Variants in CACNA1B observed in about 807,000 individuals in gnomAD.
CACNA1B encodes voltage-dependent N-type calcium channel subunit alpha-1B.
CACNA1B carries 70 observed loss-of-function variants against 247.2 expected under a neutral mutation model. The ratio of observed to expected loss-of-function variants is 0.28; its 90% CI spans 0.23 to 0.35. CACNA1B has a LOEUF of 0.35. Ranked by LOEUF, CACNA1B falls within the 10% of genes least tolerant of loss-of-function variation. The probability of loss-of-function intolerance (pLI) is 1.00; values close to 1 mark genes in which losing one functional copy is unlikely to be tolerated. For synonymous variants in CACNA1B, 1,231 were observed against 1,294.4 expected (o/e 0.95, Z 1.05); for missense variants, 2,367 against 3,197.4 (o/e 0.74, Z 6.26).
chr9:137,952,193 C>T lies in CACNA1B; in HGVS notation c.967-81C>T. 9.3e-7 allele frequency: 1 copy of T among 1,075,354 alleles called. No individual in the cohort carries two copies. The highest frequency in any genetic ancestry group is 1.4e-6 in the Non-Finnish European group (1 of 699,564). The allele number at this position is 1,075,354 out of a possible 1,614,324, so 66.6% of individuals were successfully genotyped here. On this transcript the variant is annotated intron_variant, in intron 6 of 46. Coordinates refer to ENST00000371372, the MANE Select transcript of CACNA1B (RefSeq NM_000718.4). The surrounding 1 kb of genome is among the most constrained non-coding windows in gnomAD (Gnocchi z 4.8). ...AGGTGTGTGCTTCTGAGAAGGAGGCCTGTTGGGGGCTGGGGGTGCTCCTGT... is the reference window on the plus strand; with the variant it reads ...AGGTGTGTGCTTCTGAGAAGGAGGCTTGTTGGGGGCTGGGGGTGCTCCTGT...
In CACNA1B at chr9:138,114,374, C is replaced by G; in HGVS notation, c.5537-4C>G. ...CGAATCTCAACTCCTGTGTTCTTTT[C>G]CAGCTGATGAGATGACAGTGGGGAA... On this transcript the variant is annotated splice_polypyrimidine_tract_variant and splice_region_variant and intron_variant, in intron 40 of 46. Transcript: ENST00000371372. The G allele has an allele frequency of 6.9e-7, 1 of 1,457,414 alleles. No homozygotes were observed. Among genetic ancestry groups the G allele is most frequent in the Non-Finnish European group, 9.5e-7 (1 of 1,047,520 alleles). The allele number at this position is 1,457,414 out of a possible 1,614,324, so 90.3% of individuals were successfully genotyped here.
intron 20 of CACNA1B, among the ~76,000 whole-genome samples, chr9:138,041,614 A>T (rs2133467803): frequency 6.6e-6 from 1 of 152,260 alleles, no homozygotes; most frequent in South Asian, 2.1e-4. Flanking sequence ...TGACTTTCAT[A>T]TGATTTTCCA....
At chr9:137,958,724 A>C (rs1051655358) in intron 10 of CACNA1B, among the ~76,000 whole-genome samples, 3 of 152,084 alleles carry the variant, frequency 2.0e-5, no homozygotes, top group Non-Finnish European at 4.4e-5. Context: ...TACTGTTCAG[A>C]GTTCTGTGCG....
chr9:137,956,522 G>A (rs1957950205), intron 8 of CACNA1B, among the ~76,000 whole-genome samples: 1 of 152,144 alleles, frequency 6.6e-6, no homozygotes, highest in Non-Finnish European at 1.5e-5. Context: ...GCCGGGCATG[G>A]TAGCACGTCC....
At position 137,984,147 on chromosome 9, in the gene CACNA1B, G is replaced by T; in HGVS notation, c.1666G>T (p.Gly556Trp). ...FNCFDFGVIVGSVFEVVWAAI... is the reference protein window; with the variant it reads ...FNCFDFGVIVWSVFEVVWAAI... ...TGCCATCCCGTTGCAGGTCATCGTG[G>T]GGAGCGTCTTTGAAGTGGTCTGGGC... The change falls in exon 13 of 47, where the codon GGG becomes TGG. Residue 556 changes from glycine (G) to tryptophan (W), a missense_variant. Coordinates refer to ENST00000371372, the MANE Select transcript of CACNA1B (RefSeq NM_000718.4). The T allele has an allele frequency of 6.3e-7, 1 of 1,596,662 alleles. No homozygotes were observed. Among genetic ancestry groups the T allele is most frequent in the East Asian group, 2.3e-5 (1 of 44,006 alleles).
chr9:137,929,286 GT>G (rs1957583983), intron 6 of CACNA1B, among the ~76,000 whole-genome samples: 1 of 152,340 alleles, frequency 6.6e-6, no homozygotes, highest in South Asian at 2.1e-4. Context: ...AGGAGTGGTG[GT>G]TTATGCCTAT....
chr9:138,102,877 T>G lies in CACNA1B; in HGVS notation c.5319+70T>G. 1 of 905,914 alleles carries G rather than the reference T, an allele frequency of 1.1e-6. No homozygotes were observed. Among genetic ancestry groups the G allele is most frequent in the Non-Finnish European group, 1.7e-6 (1 of 578,428 alleles). 56.1% of individuals were successfully genotyped at this position (905,914 alleles called of 1,614,324 possible). On this transcript the variant is annotated intron_variant, in intron 38 of 46. Coordinates refer to ENST00000371372, the MANE Select transcript of CACNA1B (RefSeq NM_000718.4). The surrounding 1 kb of genome is among the most constrained non-coding windows in gnomAD (Gnocchi z 5.4). ...CTTGCTGAGGGGTGCTTGCTGGCTCTCCCAGCTCCTCTCCCTTTCAGGGTG... is the reference window on the plus strand; with the variant it reads ...CTTGCTGAGGGGTGCTTGCTGGCTCGCCCAGCTCCTCTCCCTTTCAGGGTG...
chr9:138,107,223 TTTA>T (rs1564289485), intron 39 of CACNA1B, among the ~76,000 whole-genome samples: 64 of 86,450 alleles, frequency 7.4e-4, no homozygotes, highest in Middle Eastern at 7.1e-3. Flanking sequence ...TCTTATTTTA[TTTA>T]TTTATTTATT....
At chr9:137,958,139 C>T (rs1249752804) in intron 10 of CACNA1B, among the ~76,000 whole-genome samples, 1 of 151,190 alleles carries the variant, frequency 6.6e-6, no homozygotes, top group Non-Finnish European at 1.5e-5. Flanking sequence ...TGCTGTACAG[C>T]AGTCTGTGAG....
chr9:138,061,024 C>T (rs1959703223), intron 31 of CACNA1B, among the ~76,000 whole-genome samples: 1 of 152,218 alleles, frequency 6.6e-6, no homozygotes. Flanking sequence ...CAAGTCCCTA[C>T]TTGTTGCCGT....
Position 138,052,238 on chromosome 9 carries a change from G to C in CACNA1B, c.3807+50G>C, listed in dbSNP as rs202166580. The C allele has an allele frequency of 6.0e-5, 57 of 947,996 alleles. No homozygotes were observed. Among genetic ancestry groups the C allele is most frequent in the Non-Finnish European group, 9.1e-5 (55 of 604,776 alleles). The allele number at this position is 947,996 out of a possible 1,614,324, so 58.7% of individuals were successfully genotyped here. A position where few individuals can be genotyped will look rare whatever the true frequency, so the allele number is the denominator to read the frequency against. On this transcript the variant is annotated intron_variant, in intron 25 of 46. Coordinates refer to ENST00000371372, the MANE Select transcript of CACNA1B (RefSeq NM_000718.4). This position sits in a 1 kb window ranked among gnomAD's most constrained non-coding sequence, Gnocchi z 5.1. ...AGGGATGTGCTGTGTGTGTGTGCGT[G>C]TGTGTGTGTGCGTGTGTGTGTGTGT...
rs953444117 is a variant in CACNA1B, at chr9:138,073,050, C to CG, written c.4675-433dup. On this transcript the variant is annotated intron_variant, in intron 32 of 46. Coordinates refer to ENST00000371372, the MANE Select transcript of CACNA1B (RefSeq NM_000718.4). This position sits in a 1 kb window ranked among gnomAD's most constrained non-coding sequence, Gnocchi z 6.4. ...AAAGGGCATAGCCGTGAAGCCTGGG[C>CG]GGGGGTCCCTTCCGGGGTGCTGGGT... Among the ~76,000 whole-genome samples, 2 of 152,182 alleles carry CG rather than the reference C, an allele frequency of 1.3e-5. No individual in the cohort carries two copies. Among genetic ancestry groups the CG allele is most frequent in the African/African-American group, 2.4e-5 (1 of 41,436 alleles).
intron 6 of CACNA1B, among the ~76,000 whole-genome samples, chr9:137,932,081 C>T (rs1420187668): frequency 6.6e-6 from 1 of 152,176 alleles, no homozygotes; most frequent in African/African-American, 2.4e-5. Context: ...TTAGGAGATC[C>T]AGTCCCCTTC....
At position 137,988,216 on chromosome 9, in the gene CACNA1B, C is replaced by T. The variant is rs947548332; in HGVS notation, c.1974+1362C>T. Among the ~76,000 whole-genome samples, 11 of 152,306 alleles carry T rather than the reference C, an allele frequency of 7.2e-5. No homozygotes were observed. In the South Asian group the frequency reaches 8.3e-4, roughly 11 times the overall value. Reference sequence around the variant, plus strand: ...GGGAGGTCACAGGCCTGGAGCTGCCCGTAGGGTCCTGAATGTCAGGCAAGG... The same window carrying T: ...GGGAGGTCACAGGCCTGGAGCTGCCTGTAGGGTCCTGAATGTCAGGCAAGG... On this transcript the variant is annotated intron_variant, in intron 15 of 46. Coordinates refer to ENST00000371372, the MANE Select transcript of CACNA1B (RefSeq NM_000718.4).
At position 137,986,535 on chromosome 9, in the gene CACNA1B, T is replaced by G; in HGVS notation, c.1892T>G (p.Phe631Cys). 6.2e-7 allele frequency: 1 copy of G among 1,613,770 alleles called. No homozygotes were observed. Among genetic ancestry groups the G allele is most frequent in the African/African-American group, 1.3e-5 (1 of 75,008 alleles). ...VVFALLGMQL[F>C]GGQFNFQDET... is the part of the protein sequence containing the mutation. ...TTCGCCCTGCTGGGGATGCAGCTGT[T>G]TGGGGGACAGTAAGTGGGCCCGGGA... Residue 631 changes from phenylalanine (F) to cysteine (C), a missense_variant, in exon 14 of 47, where the codon TTT becomes TGT. Phe to Cys is a radical substitution (Grantham distance 205). Transcript: ENST00000371372. This position sits in a 1 kb window ranked among gnomAD's most constrained non-coding sequence, Gnocchi z 6.0.
At position 138,123,932 on chromosome 9, in the gene CACNA1B, G is replaced by C. The variant is rs1962184036; in HGVS notation, c.*1933G>C. 6.6e-6 allele frequency: 1 copy of C among 152,134 alleles called. No individual in the cohort carries two copies. 9.4% of individuals were successfully genotyped at this position (152,134 alleles called of 1,614,324 possible). The stretch of plus-strand genomic sequence containing the variant: ...TCTTGTTCCCCAGCCCCCAGCCCAT[G>C]TTATCTTGGGTGTCGAATGTGTCCA... On this transcript the variant is annotated 3_prime_UTR_variant, in exon 47 of 47. Transcript: ENST00000371372.
intron 20 of CACNA1B, among the ~76,000 whole-genome samples, chr9:138,032,415 A>T (rs778699365): frequency 6.6e-6 from 1 of 152,138 alleles, no homozygotes; most frequent in Non-Finnish European, 1.5e-5. Flanking sequence ...TAATTTAGAA[A>T]ACTCGAAAGG....
intron 37 of CACNA1B, among the ~76,000 whole-genome samples, chr9:138,097,923 G>A (rs894615918): frequency 6.6e-6 from 1 of 152,166 alleles, no homozygotes; most frequent in Non-Finnish European, 1.5e-5. Context: ...CCTCCCCGGA[G>A]CACCCCCACC....
rs1315649441 is a variant in CACNA1B, at chr9:138,023,238, G to A, written c.2495G>A (p.Gly832Asp). ...GRDGARGPVG[G>D]KARPEAAEAP... ...GACGGCGCGCGGGGGCCCGTGGGAG[G>A]CAAAGCCCGACCTGAGGCTGCGGAG... Residue 832 changes from glycine (G) to aspartate (D), a missense_variant, in exon 19 of 47, where the codon GGC (glycine) becomes GAC (aspartate). Gly to Asp is a moderately conservative substitution (Grantham distance 94). Coordinates refer to ENST00000371372, the MANE Select transcript of CACNA1B (RefSeq NM_000718.4). The A allele has an allele frequency of 1.3e-6, 2 of 1,513,150 alleles. No individual in the cohort carries two copies. The highest frequency in any genetic ancestry group is 1.8e-6 in the Non-Finnish European group (2 of 1,139,140). The allele number at this position is 1,513,150 out of a possible 1,614,324, so 93.7% of individuals were successfully genotyped here.
Sources: gnomAD v4.1 joint callset for allele counts (sites outside exome capture counted in the v4.1 genomes callset) on GRCh38, gnomAD v4.1.1 for gene constraint, Gnocchi (gnomAD v3.1) non-coding constraint, MANE v1.5 for transcripts, NCBI Gene and HGNC (gene_info 2026-07-23, HGNC 2026-07-21) for gene names.